FLT3: variants seen among roughly 807,000 people sequenced by gnomAD.
The protein encoded by FLT3 is receptor-type tyrosine-protein kinase FLT3.
Under a neutral mutation model 126.6 loss-of-function variants are expected in FLT3, and 46 were observed. The observed-to-expected ratio is 0.36, with a 90% CI of 0.29 to 0.46. The LOEUF (loss-of-function observed/expected upper bound fraction) is 0.46, where lower values mean the gene tolerates loss of function less well. Among genes scored for constraint, FLT3 ranks in the 20% least tolerant of loss-of-function variants. The pLI is 1.00. For synonymous variants in FLT3, 404 were observed against 434.4 expected, an observed-to-expected ratio of 0.93 and a Z score of 0.87; for missense variants, 1,069 against 1,190.3, an observed-to-expected ratio of 0.90 and a Z score of 1.50.
chr13:28,036,064 A>G lies in FLT3; in HGVS notation c.1310-21T>C, dbSNP rs761962746. On this transcript the variant is annotated intron_variant, in intron 10 of 23. Transcript: ENST00000241453. ...TTTCCCTATAGAAAAGAACGTGTGAAATAAGCTCACTGGCTGGGCATAGTG... is the reference window on the plus strand; with the variant it reads ...TTTCCCTATAGAAAAGAACGTGTGAGATAAGCTCACTGGCTGGGCATAGTG... 3 of 1,596,462 alleles carry G rather than the reference A, an allele frequency of 1.9e-6. No homozygotes were observed. The Admixed American group carries it at 5.0e-5, about 27-fold the overall frequency.
At chr13:28,020,687 T>A (rs956124945) in intron 19 of FLT3, among the ~76,000 whole-genome samples, 38 of 151,922 alleles carry the variant, frequency 2.5e-4, no homozygotes, top group African/African-American at 8.5e-4. Context: ...TGTCTCTGTC[T>A]CCCCTATCAT....
chr13:28,028,974 G>A (rs1157729193), intron 15 of FLT3, among the ~76,000 whole-genome samples: 1 of 151,776 alleles, frequency 6.6e-6, no homozygotes, highest in Non-Finnish European at 1.5e-5. Flanking sequence ...TAGAGATGGG[G>A]TCTCACCATG....
intron 23 of FLT3, among the ~76,000 whole-genome samples, chr13:28,010,059 C>T (rs1871230118): frequency 6.6e-6 from 1 of 152,146 alleles, no homozygotes; most frequent in Admixed American, 6.6e-5. Flanking sequence ...CAACTGATGT[C>T]CTGACATCTC....
chr13:28,028,481 G>A (rs1409321281), intron 15 of FLT3, among the ~76,000 whole-genome samples, 193 bp from the exon 16 acceptor site: 4 of 152,082 alleles, frequency 2.6e-5, no homozygotes, highest in Non-Finnish European at 4.4e-5. Flanking sequence ...TGGATCACTT[G>A]AGGTCAGAAG....
At chr13:28,024,291 C>T (rs1872635570) in intron 18 of FLT3, among the ~76,000 whole-genome samples, 2 of 151,990 alleles carry the variant, frequency 1.3e-5, no homozygotes, top group African/African-American at 4.8e-5. Context: ...ACCACCATAC[C>T]CAGCTAATTT....
At chr13:28,065,629 G>A (rs377689138) in intron 2 of FLT3, among the ~76,000 whole-genome samples, 23 of 144,038 alleles carry the variant, frequency 1.6e-4, no homozygotes, top group African/African-American at 5.7e-4. Context: ...ACAACGGAGC[G>A]AGATCTTGTC....
At chr13:28,030,959 G>C (rs576906208) in intron 15 of FLT3, among the ~76,000 whole-genome samples, 110 of 151,830 alleles carry the variant, frequency 7.2e-4, no homozygotes, top group African/African-American at 2.6e-3. Flanking sequence ...GGGCACGGTG[G>C]CTCATGCCTG....
chr13:28,036,161 C>T, intron 10 of FLT3, 118 bp from the exon 11 acceptor site: 1 of 765,096 alleles, frequency 1.3e-6, no homozygotes, highest in Non-Finnish European at 2.3e-6. Flanking sequence ...AGTTCAAGAC[C>T]AGCCTGGGCA....
At chr13:28,005,041 C>T (rs978202479) in intron 23 of FLT3, among the ~76,000 whole-genome samples, 7 of 152,050 alleles carry the variant, frequency 4.6e-5, no homozygotes, top group Non-Finnish European at 4.4e-5. Flanking sequence ...CAGAAAGAGA[C>T]GTAGAAGGCC....
At position 28,014,411 on chromosome 13, in the gene FLT3, T is replaced by C. The variant is rs7994155; in HGVS notation, c.2859+41A>G. 1.9e-4 allele frequency: 256 copies of C among 1,380,056 alleles called. No individual in the cohort carries two copies. The African/African-American group carries it at 3.3e-3, about 18-fold the overall frequency. The allele number at this position is 1,380,056 out of a possible 1,614,324, so 85.5% of individuals were successfully genotyped here. ...AGCAACAAGTGTTTTAATTTACCAA[T>C]TTCCTTTGTAAAGCTTTATAAAGTC... On this transcript the variant is annotated intron_variant, in intron 23 of 23. Transcript: ENST00000241453.
chr13:28,091,346 C>T lies in FLT3; in HGVS notation c.43+9122G>A, dbSNP rs1229506715. On this transcript the variant is annotated intron_variant, in intron 1 of 23. Coordinates refer to ENST00000241453, the MANE Select transcript of FLT3 (RefSeq NM_004119.3). ...ACGCCATTCTCCTGCCTCAGCCTCC[C>T]GAGTAGCTGGGACTACAGGCGCCCG... Among the ~76,000 whole-genome samples the T allele has an allele frequency of 8.2e-4, 121 of 148,028 alleles. 1 individual carries two copies. The highest frequency in any genetic ancestry group is 4.1e-3 in the Admixed American group (60 of 14,812).
At chr13:28,053,478 T>C (rs1283509786) in intron 4 of FLT3, among the ~76,000 whole-genome samples, 1 of 150,034 alleles carries the variant, frequency 6.7e-6, no homozygotes, top group Non-Finnish European at 1.5e-5. Flanking sequence ...GGAGCCACTA[T>C]CCACCTAATA....
chr13:28,028,763 C>CT (rs56181669), intron 15 of FLT3, among the ~76,000 whole-genome samples: 105,018 of 139,988 alleles, frequency 0.75, 39,689 homozygotes, highest in East Asian at 0.84. Flanking sequence ...TCTCCTTTTT[C>CT]TTTTTTTTTT....
At chr13:28,068,049 A>ATGTTTTGTTT (rs58553214) in intron 2 of FLT3, 125,570 of 165,946 alleles carry the variant, frequency 0.76, 48,055 homozygotes, top group Non-Finnish European at 0.8. Flanking sequence ...TGTTTTTATT[A>ATGTTTTGTTT]TGTTTTGTTT....
intron 9 of FLT3, among the ~76,000 whole-genome samples, chr13:28,039,293 C>T (rs1874127078): frequency 6.6e-6 from 1 of 151,974 alleles, no homozygotes; most frequent in South Asian, 2.1e-4. Context: ...CCTCTGCCTC[C>T]CAGGTTCAAG....
intron 1 of FLT3, chr13:28,073,370 G>T: frequency 2.7e-6 from 1 of 368,402 alleles, no homozygotes; most frequent in Non-Finnish European, 5.2e-6. Flanking sequence ...AAAAAAAAAA[G>T]CATTTTTTAC....
intron 15 of FLT3, among the ~76,000 whole-genome samples, 182 bp from the exon 16 acceptor site, chr13:28,028,470 G>C (rs1307058874): frequency 1.3e-5 from 2 of 152,170 alleles, no homozygotes; most frequent in Non-Finnish European, 2.9e-5. Context: ...GCCGAGGTGG[G>C]TGGATCACTT....
In FLT3 at chr13:28,028,183, A is replaced by T; in HGVS notation, c.2048T>A (p.Leu683Gln). Residue 683 changes from leucine (L) to glutamine (Q), a missense_variant, in exon 16 of 24, where the codon CTG becomes CAG. Transcript: ENST00000241453. ...NIVNLLGACT[L>Q]SGPIYLIFEY... ...TTTTCGTGGAAGTGGGTTACCTGACAGTGTGCACGCCCCCAGCAGGTTCAC... is the reference window on the plus strand; with the variant it reads ...TTTTCGTGGAAGTGGGTTACCTGACTGTGTGCACGCCCCCAGCAGGTTCAC... The T allele has an allele frequency of 1.3e-6, 2 of 1,562,730 alleles. No homozygotes were observed. Among genetic ancestry groups the T allele is most frequent in the Non-Finnish European group, 8.8e-7 (1 of 1,133,192 alleles).
intron 23 of FLT3, among the ~76,000 whole-genome samples, chr13:28,013,010 G>A (rs1025360361): frequency 6.6e-6 from 1 of 151,820 alleles, no homozygotes; most frequent in Non-Finnish European, 1.5e-5. Flanking sequence ...CTCACTTCCT[G>A]TTTCATTCTA....
Sources: gnomAD v4.1 joint callset for allele counts (sites outside exome capture counted in the v4.1 genomes callset) on GRCh38, gnomAD v4.1.1 for gene constraint, MANE v1.5 for transcripts, NCBI Gene and HGNC (gene_info 2026-07-23, HGNC 2026-07-21) for gene names.